The following SLC26A8 variants were observed in gnomAD, a reference collection of about 807,000 sequenced individuals.
SLC26A8 encodes the protein testis anion transporter 1.
SLC26A8 carries 70 observed loss-of-function variants against 105.0 expected under a neutral mutation model. The observed-to-expected ratio is 0.67, with a 90% CI of 0.55 to 0.81. The LOEUF is 0.81. Among genes scored for constraint, SLC26A8 ranks in the 40% least tolerant of loss-of-function variants. The probability of loss-of-function intolerance (pLI) is 0.00; values close to 1 mark genes in which losing one functional copy is unlikely to be tolerated. For missense variants in SLC26A8, 998 were observed against 1,181.8 expected (o/e 0.84, Z 2.28); for synonymous variants, 415 against 438.3 (o/e 0.95, Z 0.66).
Position 36,019,568 on chromosome 6 carries a change from C to T in SLC26A8, c.140G>A (p.Gly47Glu). The T allele has an allele frequency of 6.2e-7, 1 of 1,614,068 alleles. No homozygotes were observed. The highest frequency in any genetic ancestry group is 1.3e-5 in the African/African-American group (1 of 75,036). Residue 47 changes from glycine to glutamate, a missense_variant, in exon 2 of 20, where the codon GGG becomes GAG. Transcript: ENST00000490799. ...QEHKRKASSS[G>E]NMNINITTFR... ...GGTGGTGATGTTGATGTTCATGTTC[C>T]CAGAAGAGGAGGCCTTCCTTTTGTG...
chr6:35,990,935 C>T (rs568495310), intron 7 of SLC26A8, among the ~76,000 whole-genome samples: 18 of 151,958 alleles, frequency 1.2e-4, no homozygotes, highest in Admixed American at 6.6e-4. Flanking sequence ...CTTATGAGAA[C>T]GAGGCAATAG....
chr6:35,992,727 G>T, intron 5 of SLC26A8, 53 bp from the exon 6 acceptor site: 1 of 1,498,596 alleles, frequency 6.7e-7, no homozygotes. Context: ...TCCAGCAATG[G>T]CACCAATGGC....
chr6:35,999,816 ATG>A (rs1384641206), intron 4 of SLC26A8, among the ~76,000 whole-genome samples, 174 bp downstream of exon 4: 1 of 152,206 alleles, frequency 6.6e-6, no homozygotes, highest in Non-Finnish European at 1.5e-5. Flanking sequence ...GTTGACAATA[ATG>A]ATACACTAGA....
rs117134139 is a variant in SLC26A8, at chr6:35,971,133, T to C, written c.1288-2179A>G. Among the ~76,000 whole-genome samples the C allele has an allele frequency of 1.5e-3, 224 of 152,324 alleles. 4 individuals are homozygous for C. The South Asian group carries it at 0.024, about 17-fold the overall frequency. On this transcript the variant is annotated intron_variant, in intron 10 of 19. Transcript: ENST00000490799. ...AGCTGCTCAGAGAGGGTTGGAGGCCTGCCAATAATTGTGTTCCCCTTGGCT... is the reference window on the plus strand; with the variant it reads ...AGCTGCTCAGAGAGGGTTGGAGGCCCGCCAATAATTGTGTTCCCCTTGGCT...
In SLC26A8 at chr6:35,982,303, A is replaced by G. The variant is rs1461242497; in HGVS notation, c.943-100T>C. The G allele has an allele frequency of 5.4e-6, 6 of 1,101,696 alleles. No homozygotes were observed. The East Asian group carries it at 1.4e-4, about 26-fold the overall frequency. 68.2% of individuals were successfully genotyped at this position (1,101,696 alleles called of 1,614,324 possible). A position where few individuals can be genotyped will look rare whatever the true frequency, so the allele number is the denominator to read the frequency against. On this transcript the variant is annotated intron_variant, in intron 7 of 19. Coordinates refer to ENST00000490799, the MANE Select transcript of SLC26A8 (RefSeq NM_052961.4). Reference sequence around the variant, plus strand: ...TTGCCCATTGCCTCTGGCAGGACAGAAAATGAAACAGGCAGCAGTCCCTAT... The same window carrying G: ...TTGCCCATTGCCTCTGGCAGGACAGGAAATGAAACAGGCAGCAGTCCCTAT...
At chr6:35,993,574 T>C (rs1180741832) in intron 5 of SLC26A8, among the ~76,000 whole-genome samples, 2 of 152,162 alleles carry the variant, frequency 1.3e-5, no homozygotes, top group African/African-American at 2.4e-5. Flanking sequence ...ATTTATGTTA[T>C]ATAGTATATA....
Position 35,943,657 on chromosome 6 carries a change from T to C in SLC26A8, c.*243A>G, listed in dbSNP as rs1471961967. 7.8e-6 allele frequency: 4 copies of C among 513,914 alleles called. No individual in the cohort carries two copies. The highest frequency in any genetic ancestry group is 1.4e-5 in the Non-Finnish European group (4 of 292,776). 31.8% of individuals were successfully genotyped at this position (513,914 alleles called of 1,614,324 possible). Reference sequence around the variant, plus strand: ...GAAGGAAATTCATGACTAGAATATATGCTGAAGGTGAAATGAGGGGAGCCT... The same window carrying C: ...GAAGGAAATTCATGACTAGAATATACGCTGAAGGTGAAATGAGGGGAGCCT... On this transcript the variant is annotated 3_prime_UTR_variant, in exon 20 of 20. Coordinates refer to ENST00000490799, the MANE Select transcript of SLC26A8 (RefSeq NM_052961.4).
At chr6:36,011,765 G>A (rs1037419385) in intron 3 of SLC26A8, among the ~76,000 whole-genome samples, 1 of 152,062 alleles carries the variant, frequency 6.6e-6, no homozygotes. Flanking sequence ...ACGTTACCAG[G>A]CCCCGCTAAT....
At chr6:35,977,380 G>C (rs1773079939) in intron 8 of SLC26A8, 29 bp from the exon 9 acceptor site, 3 of 1,601,550 alleles carry the variant, frequency 1.9e-6, no homozygotes, top group Non-Finnish European at 1.7e-6. Flanking sequence ...ATTATTTCTG[G>C]ATAGCAGGAA....
chr6:36,008,119 C>CAAA (rs35551131), intron 3 of SLC26A8, among the ~76,000 whole-genome samples: 2 of 70,422 alleles, frequency 2.8e-5, no homozygotes, highest in African/African-American at 5.0e-5. Context: ...GACTCCGTCT[C>CAAA]AAAAAAAAAA....
At chr6:35,956,970 C>G (rs1363080832) in intron 16 of SLC26A8, among the ~76,000 whole-genome samples, 2 of 151,150 alleles carry the variant, frequency 1.3e-5, no homozygotes, top group African/African-American at 4.9e-5. Context: ...CGCCTGTAAT[C>G]CTAGCACTGT....
intron 3 of SLC26A8, among the ~76,000 whole-genome samples, chr6:36,012,014 AT>A (rs1254035933): frequency 3.3e-5 from 5 of 152,356 alleles, no homozygotes; most frequent in African/African-American, 1.2e-4. Context: ...GGTGTTACAA[AT>A]ACTCTGGAAA....
intron 3 of SLC26A8, among the ~76,000 whole-genome samples, chr6:36,008,994 C>T (rs12190116): frequency 0.1 from 15,556 of 152,182 alleles, 1,004 homozygotes; most frequent in Non-Finnish European, 0.14. Flanking sequence ...CTATATACTC[C>T]AGCAATGTAC....
chr6:35,951,102 C>A, intron 19 of SLC26A8, 61 bp downstream of exon 19: 14 of 1,356,424 alleles, frequency 1.0e-5, no homozygotes, highest in East Asian at 5.0e-5. Flanking sequence ...CCACCCCTCA[C>A]CCATCCCCCC....
At chr6:35,977,497 C>G (rs1343439516) in intron 8 of SLC26A8, 146 bp from the exon 9 acceptor site, 1 of 813,432 alleles carries the variant, frequency 1.2e-6, no homozygotes, top group African/African-American at 1.8e-5. Context: ...GAGGCAGCAG[C>G]CTGCCAAAAC....
At chr6:35,959,409 C>A in intron 16 of SLC26A8, 51 bp downstream of exon 16, 3 of 1,554,220 alleles carry the variant, frequency 1.9e-6, no homozygotes, top group South Asian at 2.5e-5. Context: ...GACTAGTGTA[C>A]TTGTTTATAA....
intron 16 of SLC26A8, among the ~76,000 whole-genome samples, chr6:35,956,233 C>A (rs1258466788): frequency 6.6e-6 from 1 of 151,630 alleles, no homozygotes; most frequent in Non-Finnish European, 1.5e-5. Flanking sequence ...AGTGCACACT[C>A]CAGCCTGGGT....
At chr6:35,979,213 C>T (rs939084162) in intron 8 of SLC26A8, among the ~76,000 whole-genome samples, 1 of 151,804 alleles carries the variant, frequency 6.6e-6, no homozygotes, top group African/African-American at 2.4e-5. Context: ...CACGGTGGCT[C>T]ACGCTTGTAA....
At chr6:35,962,455 T>C in intron 12 of SLC26A8, 71 bp downstream of exon 12, 1 of 1,256,528 alleles carries the variant, frequency 8.0e-7, no homozygotes, top group Admixed American at 1.7e-5. Flanking sequence ...AGATCTCTTT[T>C]GTTTGTTCTT....
Sources: allele counts gnomAD v4.1 joint callset (sites outside exome capture counted in the v4.1 genomes callset), GRCh38; gene constraint gnomAD v4.1.1; transcripts MANE v1.5; gene names NCBI Gene and HGNC (gene_info 2026-07-23, HGNC 2026-07-21).